The following FUT8 variants were observed in gnomAD, a reference collection of about 807,000 sequenced individuals.
The protein encoded by FUT8 is fucosyltransferase 8, also known as alpha-(1,6)-fucosyltransferase.
Under a neutral mutation model 71.3 loss-of-function variants are expected in FUT8, and 29 were observed. The ratio of observed to expected loss-of-function variants is 0.41; its 90% confidence interval spans 0.30 to 0.55. FUT8 has a LOEUF of 0.55. Among genes scored for constraint, FUT8 ranks in the 20% least tolerant of loss-of-function variants. FUT8 has a pLI of 0.34. For missense variants in FUT8, 544 were observed against 702.1 expected (o/e 0.77, Z 2.55); for synonymous variants, 254 against 239.3 (o/e 1.06, Z -0.57).
At chr14:65,450,418 T>C (rs182262425) in intron 1 of FUT8, among the ~76,000 whole-genome samples, 152 of 152,364 alleles carry the variant, frequency 1.0e-3, no homozygotes, top group Non-Finnish European at 1.8e-3. Context: ...CTTATACTTA[T>C]CGTTTTACTT....
chr14:65,470,978 T>G (rs1309985109), intron 2 of FUT8: 1 of 405,860 alleles, frequency 2.5e-6, no homozygotes, highest in East Asian at 8.0e-5. Flanking sequence ...TCTTCTACTG[T>G]CCTTGCTTTT....
At chr14:65,532,509 TC>T (rs1884020131) in intron 2 of FUT8, among the ~76,000 whole-genome samples, 1 of 152,200 alleles carries the variant, frequency 6.6e-6, no homozygotes, top group African/African-American at 2.4e-5. Flanking sequence ...TTGCTTAAGT[TC>T]CTTATAGATG....
At chr14:65,600,358 G>A in intron 3 of FUT8, among the ~76,000 whole-genome samples, 1 of 152,014 alleles carries the variant, frequency 6.6e-6, no homozygotes, top group South Asian at 2.1e-4. Flanking sequence ...TGATTTGTTT[G>A]TGTTACTTCA....
rs2065178342 is a variant in FUT8, at chr14:65,413,795, T to G, written c.-326+581T>G. The stretch of plus-strand genomic sequence containing the variant: ...GATGTGCAAATGACGAGCTGGCGGC[T>G]TTTGAGTATCAACTTATTTGGGAAG... On this transcript the variant is annotated intron_variant, in intron 1 of 10. Coordinates refer to ENST00000673929, the MANE Select transcript of FUT8 (RefSeq NM_001371533.1). This position sits in a 1 kb window ranked among gnomAD's most constrained non-coding sequence, Gnocchi z 4.1. 2.0e-5 allele frequency among the ~76,000 whole-genome samples: 3 copies of G among 152,204 alleles called. No individual in the cohort carries two copies. Among genetic ancestry groups the G allele is most frequent in the South Asian group, 4.1e-4 (2 of 4,836 alleles).
chr14:65,543,795 C>T (rs1307782246), intron 2 of FUT8, among the ~76,000 whole-genome samples: 1 of 152,128 alleles, frequency 6.6e-6, no homozygotes, highest in East Asian at 1.9e-4. Flanking sequence ...TTTCCTCTCT[C>T]TTAAAATTAA....
intron 6 of FUT8, among the ~76,000 whole-genome samples, chr14:65,631,059 C>T (rs555335489): frequency 6.6e-6 from 1 of 152,168 alleles, no homozygotes; most frequent in Non-Finnish European, 1.5e-5. Context: ...CTGATCTTGG[C>T]ATGCTATCTT....
intron 3 of FUT8, among the ~76,000 whole-genome samples, chr14:65,564,358 A>G (rs1488132719): frequency 6.6e-6 from 1 of 152,080 alleles, no homozygotes; most frequent in African/African-American, 2.4e-5. Context: ...TAGATTTTCT[A>G]GATTCAAGTC....
chr14:65,366,447 G>C, the FUT8 span, among the ~76,000 whole-genome samples: 7 of 152,248 alleles, frequency 4.6e-5, no homozygotes, highest in Non-Finnish European at 7.4e-5. Context: ...GGGTTTGTTT[G>C]CTTGTTTTTT....
At chr14:65,551,963 T>C (rs1885312767) in intron 2 of FUT8, among the ~76,000 whole-genome samples, 1 of 152,158 alleles carries the variant, frequency 6.6e-6, no homozygotes, top group Admixed American at 6.5e-5. Flanking sequence ...GACATAATGA[T>C]CATCTGTTTA....
chr14:65,716,486 G>A lies in FUT8; in HGVS notation c.836-5289G>A, dbSNP rs182002980. On this transcript the variant is annotated intron_variant, in intron 7 of 10. Coordinates refer to ENST00000673929, the MANE Select transcript of FUT8 (RefSeq NM_001371533.1). The stretch of plus-strand genomic sequence containing the variant: ...TGTTTAACAAAGCACATCTTGCACC[G>A]CCCTTAATCCATTTAACCCTGAGTT... Among the ~76,000 whole-genome samples the A allele has an allele frequency of 2.9e-3, 409 of 141,066 alleles. No individual in the cohort carries two copies. The Middle Eastern group carries it at 0.039, about 13-fold the overall frequency. The allele number at this position is 141,066 out of a possible 152,430, so 92.5% of individuals were successfully genotyped here.
At chr14:65,492,733 A>G (rs2066500276) in intron 2 of FUT8, among the ~76,000 whole-genome samples, 1 of 152,160 alleles carries the variant, frequency 6.6e-6, no homozygotes, top group Admixed American at 6.6e-5. Flanking sequence ...AAGGAAATAA[A>G]ACATAATGTA....
chr14:65,543,067 C>A (rs1884775405), intron 2 of FUT8, among the ~76,000 whole-genome samples: 1 of 152,204 alleles, frequency 6.6e-6, no homozygotes, highest in Non-Finnish European at 1.5e-5. Context: ...CAGGCGTGAG[C>A]CACCGCGCCT....
the FUT8 span, among the ~76,000 whole-genome samples, chr14:65,359,355 TC>T: frequency 6.6e-6 from 1 of 152,200 alleles, no homozygotes; most frequent in Non-Finnish European, 1.5e-5. Flanking sequence ...ATAAAATTCA[TC>T]ATTTTAACTA....
intron 3 of FUT8, among the ~76,000 whole-genome samples, chr14:65,583,485 T>C (rs1303537281): frequency 3.3e-5 from 5 of 152,162 alleles, no homozygotes; most frequent in African/African-American, 4.8e-5. Flanking sequence ...ATATTTTTTG[T>C]AGGTCAGGCC....
In FUT8 at chr14:65,607,490, A is replaced by C. The variant is rs1382269740; in HGVS notation, c.204-8488A>C. 1.3e-5 allele frequency among the ~76,000 whole-genome samples: 2 copies of C among 151,858 alleles called. No individual in the cohort carries two copies. The highest frequency in any genetic ancestry group is 2.9e-5 in the Non-Finnish European group (2 of 67,888). ...TTAATTTGTTAATGTAATCAATTTA[A>C]ATTAATAGTTTTTCTAATCGTAAAC... On this transcript the variant is annotated intron_variant, in intron 3 of 10. Coordinates refer to ENST00000673929, the MANE Select transcript of FUT8 (RefSeq NM_001371533.1). This position sits in a 1 kb window ranked among gnomAD's most constrained non-coding sequence, Gnocchi z 4.1.
At chr14:65,490,736 A>G (rs139439459) in intron 2 of FUT8, among the ~76,000 whole-genome samples, 2,282 of 152,152 alleles carry the variant, frequency 0.015, 19 homozygotes, top group South Asian at 0.024. Flanking sequence ...ATGGCATTCT[A>G]AGGTCTGGTT....
At chr14:65,515,605 A>G (rs2139838080) in intron 2 of FUT8, among the ~76,000 whole-genome samples, 1 of 152,296 alleles carries the variant, frequency 6.6e-6, no homozygotes, top group East Asian at 1.9e-4. Context: ...AAGTTCAGTT[A>G]CAAAATTAAA....
chr14:65,446,377 C>G (rs2065740972), intron 1 of FUT8, among the ~76,000 whole-genome samples: 1 of 152,190 alleles, frequency 6.6e-6, no homozygotes, highest in African/African-American at 2.4e-5. Flanking sequence ...GGAAGTGTGT[C>G]ATCAGAAGGC....
the FUT8 span, among the ~76,000 whole-genome samples, chr14:65,391,508 AC>A: frequency 1.3e-5 from 2 of 152,196 alleles, no homozygotes; most frequent in Non-Finnish European, 2.9e-5. Context: ...GGCAAATGCC[AC>A]CAAACTCAGC....
Sources: allele counts gnomAD v4.1 joint callset (sites outside exome capture counted in the v4.1 genomes callset), GRCh38; gene constraint gnomAD v4.1.1; non-coding constraint Gnocchi (gnomAD v3.1); transcripts MANE v1.5; gene names NCBI Gene and HGNC (gene_info 2026-07-23, HGNC 2026-07-21).